Variants in STIM1 observed in about 807,000 individuals in gnomAD.
The protein encoded by STIM1 is stromal interaction molecule 1.
A neutral mutation model predicts 74.7 loss-of-function variants in STIM1; 25 were observed. That is an observed-to-expected ratio of 0.33 (90% CI 0.24 to 0.47). STIM1 has a LOEUF of 0.47. Ranked by LOEUF, STIM1 falls within the 20% of genes least tolerant of loss-of-function variation. STIM1 has a pLI of 1.00. For synonymous variants in STIM1, 328 were observed against 348.8 expected (o/e 0.94, Z 0.66); for missense variants, 728 against 920.8 (o/e 0.79, Z 2.71).
At chr11:3,872,098 G>A (rs1385486656) in intron 1 of STIM1, among the ~76,000 whole-genome samples, 1 of 152,076 alleles carries the variant, frequency 6.6e-6, no homozygotes, top group Non-Finnish European at 1.5e-5. Flanking sequence ...TGTCGCCCAG[G>A]CTGAAGCACA....
chr11:3,988,538 G>A (rs779505457), intron 2 of STIM1, among the ~76,000 whole-genome samples: 2 of 151,900 alleles, frequency 1.3e-5, no homozygotes, highest in Admixed American at 6.6e-5. Context: ...ATCAAGTACC[G>A]GTATGTTCAC....
At chr11:4,063,314 C>G (rs2094343977) in intron 5 of STIM1, among the ~76,000 whole-genome samples, 1 of 152,052 alleles carries the variant, frequency 6.6e-6, no homozygotes. Context: ...ACATGCATAC[C>G]TTGTTTTATT....
At chr11:4,066,320 CAT>C (rs1258000608) in intron 5 of STIM1, among the ~76,000 whole-genome samples, 1 of 152,134 alleles carries the variant, frequency 6.6e-6, no homozygotes, top group Non-Finnish European at 1.5e-5. Context: ...TGCAGCTGGC[CAT>C]GCTCTTTTTG....
chr11:4,041,675 C>G (rs535874944), intron 3 of STIM1, among the ~76,000 whole-genome samples: 4 of 151,966 alleles, frequency 2.6e-5, no homozygotes, highest in East Asian at 1.9e-4. Flanking sequence ...TTGGCTCACT[C>G]TAGCCTCAAC....
In STIM1 at chr11:4,086,644, G is replaced by A. The variant is rs548943505; in HGVS notation, c.1634+101G>A. ...ACAGTCTTTCAGTTCTGAAGGCTAC[G>A]GGACCAGCTCTCCATCTGCCTCTGC... is the stretch of plus-strand genomic sequence containing the variant. On this transcript the variant is annotated intron_variant, in intron 12 of 12. Transcript: ENST00000526596. 1.4e-4 allele frequency: 214 copies of A among 1,564,130 alleles called. 1 individual carries two copies. In the Middle Eastern group the frequency reaches 2.0e-3, roughly 15 times the overall value.
At chr11:3,896,094 C>T (rs1007384910) in intron 1 of STIM1, among the ~76,000 whole-genome samples, 3 of 151,848 alleles carry the variant, frequency 2.0e-5, no homozygotes, top group South Asian at 2.1e-4. Context: ...TTAGTAGAGA[C>T]GGGGTTTCAC....
rs539436355 is a variant in STIM1 at position 3,935,594 on chromosome 11, C to T, written c.140-31958C>T. ...ATGGTCTAAGCCAGAAGAAGACTAA[C>T]GAAAGCAGATTCCTCCCAGTTTCAC... On this transcript the variant is annotated intron_variant, in intron 1 of 12. Coordinates refer to ENST00000526596, the MANE Select transcript of STIM1 (RefSeq NM_001382567.1). Among the ~76,000 whole-genome samples the T allele has an allele frequency of 1.2e-3, 176 of 152,330 alleles. 1 individual carries two copies. Among genetic ancestry groups the T allele is most frequent in the African/African-American group, 4.0e-3 (168 of 41,572 alleles).
intron 6 of STIM1, among the ~76,000 whole-genome samples, chr11:4,070,521 G>C (rs2094397016): frequency 6.6e-6 from 1 of 152,148 alleles, no homozygotes; most frequent in Non-Finnish European, 1.5e-5. Flanking sequence ...TCTCTGGACT[G>C]CTTCTCCTAG....
chr11:3,967,929 AC>A, intron 2 of STIM1, among the ~76,000 whole-genome samples: 1 of 152,260 alleles, frequency 6.6e-6, no homozygotes, highest in Non-Finnish European at 1.5e-5. Flanking sequence ...TAGTTGTGTA[AC>A]ACTGACTAAG....
intron 1 of STIM1, among the ~76,000 whole-genome samples, chr11:3,883,311 C>G (rs1000498456): frequency 6.6e-6 from 1 of 151,974 alleles, no homozygotes; most frequent in Non-Finnish European, 1.5e-5. Flanking sequence ...GTTAGGTGCT[C>G]CCTTCTATGA....
intron 1 of STIM1, among the ~76,000 whole-genome samples, chr11:3,946,980 T>C (rs1277072113): frequency 6.6e-6 from 1 of 152,230 alleles, no homozygotes; most frequent in African/African-American, 2.4e-5. Context: ...TATTTGAGTT[T>C]GGACAAATCA....
chr11:3,918,319 C>G (rs534209179), intron 1 of STIM1, among the ~76,000 whole-genome samples: 9 of 152,162 alleles, frequency 5.9e-5, no homozygotes, highest in African/African-American at 2.2e-4. Context: ...GAGTTTGAGA[C>G]CAGCCTGGGT....
intron 1 of STIM1, among the ~76,000 whole-genome samples, chr11:3,924,104 C>T (rs1335165648): frequency 6.6e-6 from 1 of 151,704 alleles, no homozygotes; most frequent in Non-Finnish European, 1.5e-5. Flanking sequence ...AGGCTTGAGC[C>T]ACCATGCCTG....
intron 4 of STIM1, among the ~76,000 whole-genome samples, chr11:4,058,102 C>T (rs2094305046): frequency 1.3e-5 from 2 of 152,262 alleles, no homozygotes; most frequent in East Asian, 3.9e-4. Flanking sequence ...AATGTTTATT[C>T]TCATTAGTCA....
intron 2 of STIM1, among the ~76,000 whole-genome samples, chr11:3,968,801 C>A (rs1224133248): frequency 5.3e-5 from 8 of 152,140 alleles, no homozygotes; most frequent in Non-Finnish European, 1.2e-4. Context: ...AAAGTGAAAA[C>A]CATGATACTA....
intron 6 of STIM1, 127 bp downstream of exon 6, chr11:4,070,330 T>A: frequency 9.4e-7 from 1 of 1,061,514 alleles, no homozygotes. Context: ...GCATCATCCT[T>A]CCAAAACTGC....
At chr11:4,024,737 T>C (rs562346410) in intron 3 of STIM1, among the ~76,000 whole-genome samples, 2 of 152,342 alleles carry the variant, frequency 1.3e-5, no homozygotes, top group African/African-American at 4.8e-5. Flanking sequence ...CTGACCCATG[T>C]TGAGCTTAAT....
At chr11:4,077,865 T>C (rs1195584627) in intron 7 of STIM1, among the ~76,000 whole-genome samples, 1 of 152,238 alleles carries the variant, frequency 6.6e-6, no homozygotes, top group Non-Finnish European at 1.5e-5. Flanking sequence ...ATATCCACTT[T>C]ACTCTTTTAT....
Position 3,973,258 on chromosome 11 carries a change from C to T in STIM1, c.270+5576C>T, listed in dbSNP as rs555021733. ...GTTTCTCCTCCATGACCAAAGTTGT[C>T]ATTCCCACCAAAACCACCTCCACGA... On this transcript the variant is annotated intron_variant, in intron 2 of 12. Transcript: ENST00000526596. 3.3e-4 allele frequency: 159 copies of T among 482,278 alleles called. 2 individuals are homozygous for T. The highest frequency in any genetic ancestry group is 2.9e-3 in the African/African-American group (147 of 51,076). 29.9% of individuals were successfully genotyped at this position (482,278 alleles called of 1,614,324 possible).
Sources: allele counts gnomAD v4.1 joint callset (sites outside exome capture counted in the v4.1 genomes callset), GRCh38; gene constraint gnomAD v4.1.1; transcripts MANE v1.5; gene names NCBI Gene and HGNC (gene_info 2026-07-23, HGNC 2026-07-21).